RPTOR: variants seen among roughly 807,000 people sequenced by gnomAD.
The protein encoded by RPTOR is regulatory-associated protein of mTOR.
Under a neutral mutation model 169.9 loss-of-function variants are expected in RPTOR, and 21 were observed. The ratio of observed to expected loss-of-function variants is 0.12; its 90% CI spans 0.09 to 0.18. The LOEUF is 0.18. Among genes scored for constraint, RPTOR ranks in the 10% least tolerant of loss-of-function variants. The pLI is 1.00. For synonymous variants in RPTOR, 732 were observed against 753.2 expected, an observed-to-expected ratio of 0.97 and a Z score of 0.46; for missense variants, 1,133 against 1,855.9, an observed-to-expected ratio of 0.61 and a Z score of 7.16.
intron 30 of RPTOR, chr17:80,961,083 G>A (rs538049649): frequency 7.0e-5 from 28 of 401,774 alleles, no homozygotes; most frequent in East Asian, 5.8e-4. Context: ...GCCTGGGAGC[G>A]CTGCGATGGC....
At chr17:80,588,022 T>A (rs1568321622) in intron 1 of RPTOR, among the ~76,000 whole-genome samples, 1 of 152,156 alleles carries the variant, frequency 6.6e-6, no homozygotes, top group African/African-American at 2.4e-5. Flanking sequence ...CATCATGTGG[T>A]GTTTGTCCTT....
chr17:80,773,079 C>A (rs928021981), intron 6 of RPTOR, among the ~76,000 whole-genome samples: 1 of 152,242 alleles, frequency 6.6e-6, no homozygotes, highest in South Asian at 2.1e-4. Context: ...TGCGCTGGCA[C>A]TGGGCTATTG....
At chr17:80,826,855 G>A (rs891780090) in intron 9 of RPTOR, among the ~76,000 whole-genome samples, 2 of 152,262 alleles carry the variant, frequency 1.3e-5, no homozygotes, top group African/African-American at 4.8e-5. Context: ...CGATGGCCTG[G>A]GTGGCTTTGG....
At position 80,947,086 on chromosome 17, in the gene RPTOR, G is replaced by A. The variant is rs1439689048; in HGVS notation, c.3141-141G>A. On this transcript the variant is annotated intron_variant, in intron 26 of 33. Coordinates refer to ENST00000306801, the MANE Select transcript of RPTOR (RefSeq NM_020761.3). This position sits in a 1 kb window ranked among gnomAD's most constrained non-coding sequence, Gnocchi z 4.4. ...CCTGCTTCAGCCTCCCAAGTAGCTA[G>A]GATGACAGGTGTGAGCCGCCGTGCC... 5.0e-5 allele frequency: 37 copies of A among 738,992 alleles called. No individual in the cohort carries two copies. The highest frequency in any genetic ancestry group is 7.5e-5 in the Non-Finnish European group (37 of 490,082). The allele number at this position is 738,992 out of a possible 1,614,324, so 45.8% of individuals were successfully genotyped here. A position where few individuals can be genotyped will look rare whatever the true frequency, so the allele number is the denominator to read the frequency against.
intron 5 of RPTOR, 141 bp from the exon 6 acceptor site, chr17:80,753,869 C>G (rs1567894433): frequency 1.3e-6 from 1 of 785,224 alleles, no homozygotes; most frequent in East Asian, 2.5e-5. Flanking sequence ...GCAGCGACGC[C>G]TCTCTCCAGA....
intron 26 of RPTOR, among the ~76,000 whole-genome samples, chr17:80,946,411 C>T (rs1272524653): frequency 6.6e-6 from 1 of 152,204 alleles, no homozygotes; most frequent in African/African-American, 2.4e-5. Flanking sequence ...TGTTATGCAA[C>T]CATCACCCCC....
intron 4 of RPTOR, among the ~76,000 whole-genome samples, chr17:80,722,852 C>T (rs889026561): frequency 4.6e-5 from 7 of 151,152 alleles, no homozygotes; most frequent in African/African-American, 1.5e-4. Flanking sequence ...GCAGCCTTGC[C>T]GCTGTAATCC....
rs544697215 is a variant in RPTOR at position 80,619,184 on chromosome 17, C to G, written c.163-6507C>G. ...AATGTTGTGACCTGTGTGGCCAGCCCCAGTCTTGCTTTGTGTTTATTTTCC... is the reference window on the plus strand; with the variant it reads ...AATGTTGTGACCTGTGTGGCCAGCCGCAGTCTTGCTTTGTGTTTATTTTCC... On this transcript the variant is annotated intron_variant, in intron 1 of 33. Transcript: ENST00000306801. 2.0e-5 allele frequency among the ~76,000 whole-genome samples: 3 copies of G among 152,198 alleles called. No individual in the cohort carries two copies. In the East Asian group the frequency reaches 5.8e-4, roughly 29 times the overall value.
Position 80,778,779 on chromosome 17 carries a change from G to A in RPTOR, c.831-12671G>A, listed in dbSNP as rs151015465. 9.3e-3 allele frequency among the ~76,000 whole-genome samples: 1,421 copies of A among 152,304 alleles called. 20 individuals are homozygous for A. The highest frequency in any genetic ancestry group is 0.029 in the African/African-American group (1,190 of 41,550). On this transcript the variant is annotated intron_variant, in intron 6 of 33. Transcript: ENST00000306801. Reference sequence around the variant, plus strand: ...ATGCCACTGCACTCCAGCCCACACAGCAGAGTGGGGCAAGACCTGGTCTCT... The same window carrying A: ...ATGCCACTGCACTCCAGCCCACACAACAGAGTGGGGCAAGACCTGGTCTCT...
chr17:80,585,308 G>A (rs975809996), intron 1 of RPTOR, among the ~76,000 whole-genome samples: 16 of 151,644 alleles, frequency 1.1e-4, no homozygotes, highest in African/African-American at 2.7e-4. Context: ...GGGTTCAAGC[G>A]ATTCTCCTGC....
At chr17:80,914,284 T>C (rs6565490) in intron 21 of RPTOR, among the ~76,000 whole-genome samples, 135,424 of 152,248 alleles carry the variant, frequency 0.89, 60,486 homozygotes, top group African/African-American at 0.97. Flanking sequence ...GCTCCCCAGG[T>C]GCAGCTACAG....
chr17:80,919,650 C>T (rs565474912), intron 21 of RPTOR, among the ~76,000 whole-genome samples: 184 of 152,332 alleles, frequency 1.2e-3, no homozygotes, highest in Non-Finnish European at 2.2e-3. Context: ...CTGCAACAGT[C>T]GGGGGTGGAT....
rs547496342 is a variant in RPTOR at position 80,549,935 on chromosome 17, C to T, written c.162+4144C>T. 5.3e-5 allele frequency among the ~76,000 whole-genome samples: 8 copies of T among 152,262 alleles called. No homozygotes were observed. The South Asian group carries it at 1.2e-3, about 24-fold the overall frequency. On this transcript the variant is annotated intron_variant, in intron 1 of 33. Coordinates refer to ENST00000306801, the MANE Select transcript of RPTOR (RefSeq NM_020761.3). ...ATGTCTACATGTGTAGGGGATGAAA[C>T]GGTTAGATGAAGAAGGCTATTTTGT...
At chr17:80,920,321 C>A (rs1014944119) in intron 21 of RPTOR, among the ~76,000 whole-genome samples, 1 of 152,214 alleles carries the variant, frequency 6.6e-6, no homozygotes, top group African/African-American at 2.4e-5. Context: ...CTAAAGAAAG[C>A]TCCCTCCAGG....
chr17:80,734,076 T>C (rs1005948629), intron 5 of RPTOR, among the ~76,000 whole-genome samples: 6 of 152,248 alleles, frequency 3.9e-5, no homozygotes, highest in African/African-American at 1.4e-4. Context: ...TTAAACCTTG[T>C]ACCTGATTAT....
chr17:80,794,137 C>T (rs557518623), intron 7 of RPTOR, among the ~76,000 whole-genome samples: 7 of 152,280 alleles, frequency 4.6e-5, no homozygotes, highest in African/African-American at 1.7e-4. Flanking sequence ...GAAAGACACG[C>T]TGATATGAAA....
intron 5 of RPTOR, among the ~76,000 whole-genome samples, chr17:80,741,883 C>A (rs2066485389): frequency 1.3e-5 from 2 of 152,042 alleles, no homozygotes. Flanking sequence ...ACAGACCAGA[C>A]CAGAGAAGTA....
At chr17:80,583,182 GT>G (rs1166711662) in intron 1 of RPTOR, among the ~76,000 whole-genome samples, 71 of 79,270 alleles carry the variant, frequency 9.0e-4, no homozygotes, top group South Asian at 6.3e-3. Flanking sequence ...CCTCTTTCCT[GT>G]TTTTTTTTTT....
Position 80,758,690 on chromosome 17 carries a change from C to G in RPTOR, c.830+4505C>G, listed in dbSNP as rs11654016. The stretch of plus-strand genomic sequence containing the variant: ...CTCATTTCTCCCATGTTCCCGTCCC[C>G]GCTCCCGGTTTCCTGCATGACTGCT... On this transcript the variant is annotated intron_variant, in intron 6 of 33. Transcript: ENST00000306801. 6.3e-3 allele frequency among the ~76,000 whole-genome samples: 955 copies of G among 152,166 alleles called. 7 individuals carry two copies. Among genetic ancestry groups the G allele is most frequent in the Middle Eastern group, 0.014 (4 of 294 alleles).
Sources: gnomAD v4.1 joint callset for allele counts (sites outside exome capture counted in the v4.1 genomes callset) on GRCh38, gnomAD v4.1.1 for gene constraint, Gnocchi (gnomAD v3.1) non-coding constraint, MANE v1.5 for transcripts, NCBI Gene and HGNC (gene_info 2026-07-23, HGNC 2026-07-21) for gene names.